The following GLI2 variants were observed in gnomAD, a reference collection of about 807,000 sequenced individuals.
The protein encoded by GLI2 is transcription activator GLI2.
Under a neutral mutation model 78.9 loss-of-function variants are expected in GLI2, and 22 were observed. The observed-to-expected ratio is 0.28, with a 90% CI of 0.20 to 0.40. The LOEUF is 0.40. Among genes scored for constraint, GLI2 ranks in the 10% least tolerant of loss-of-function variants. The pLI is 1.00. For missense variants in GLI2, 2,097 were observed against 2,213.2 expected (o/e 0.95, Z 1.05); for synonymous variants, 974 against 963.7 (o/e 1.01, Z -0.20).
chr2:120,738,596 C>T (rs1453508209), intron 1 of GLI2, among the ~76,000 whole-genome samples: 2 of 152,180 alleles, frequency 1.3e-5, no homozygotes, highest in African/African-American at 4.8e-5. Context: ...GTGAACCAGC[C>T]TTCAGTTGGG....
At chr2:120,782,131 G>A (rs1683867504) in intron 1 of GLI2, among the ~76,000 whole-genome samples, 1 of 152,178 alleles carries the variant, frequency 6.6e-6, no homozygotes, top group Non-Finnish European at 1.5e-5. Flanking sequence ...CGCTACGATA[G>A]CAATTTATTA....
chr2:120,934,309 A>G (rs879826856), intron 3 of GLI2, among the ~76,000 whole-genome samples: 2 of 152,216 alleles, frequency 1.3e-5, no homozygotes, highest in African/African-American at 2.4e-5. Context: ...ACCTATTCAT[A>G]TTCTCAGCTT....
At chr2:120,791,513 A>C (rs1684157048) in intron 1 of GLI2, among the ~76,000 whole-genome samples, 1 of 152,226 alleles carries the variant, frequency 6.6e-6, no homozygotes, top group African/African-American at 2.4e-5. Flanking sequence ...TCCCTTAATC[A>C]GGGTGGCGGT....
chr2:120,815,401 G>A (rs1242776492), intron 2 of GLI2, among the ~76,000 whole-genome samples: 1 of 152,160 alleles, frequency 6.6e-6, no homozygotes, highest in Non-Finnish European at 1.5e-5. Context: ...CAAAAGTTGG[G>A]GGCGGAAGTG....
intron 2 of GLI2, among the ~76,000 whole-genome samples, chr2:120,831,067 GTC>G (rs1225423934): frequency 1.3e-5 from 2 of 149,222 alleles, no homozygotes; most frequent in South Asian, 2.1e-4. Context: ...AGCTCTGCCT[GTC>G]TCTCTCTCTG....
chr2:120,984,634 G>A lies in GLI2; in HGVS notation c.1796G>A (p.Ser599Asn). ...CCGCTGCTCAAAGAGAATGGGGACA[G>A]TGAGGCCGGCACGGAGCCTGGCGGC... is the stretch of plus-strand genomic sequence containing the variant. ...RTPLLKENGD[S>N]EAGTEPGGPE... Residue 599 changes from serine (S) to asparagine (N), a missense_variant, in exon 12 of 14, where the codon AGT becomes AAT. Ser to Asn is a conservative substitution (Grantham distance 46). Around this residue, in one of 5 missense-constraint regions of GLI2, gnomAD observed 57 missense variants for 44.5 expected, o/e 1.28. Transcript: ENST00000361492. 1 of 1,614,202 alleles carries A rather than the reference G, an allele frequency of 6.2e-7. No individual in the cohort carries two copies. The highest frequency in any genetic ancestry group is 8.5e-7 in the Non-Finnish European group (1 of 1,180,040).
chr2:120,885,291 T>C (rs1360644487), intron 2 of GLI2, among the ~76,000 whole-genome samples: 2 of 152,192 alleles, frequency 1.3e-5, no homozygotes, highest in African/African-American at 4.8e-5. Context: ...CACAGGGCCA[T>C]GTTGTCAGAT....
chr2:120,932,049 A>G (rs1381548143), intron 3 of GLI2, among the ~76,000 whole-genome samples: 2 of 152,152 alleles, frequency 1.3e-5, no homozygotes, highest in Non-Finnish European at 2.9e-5. Context: ...TTCCGCCCCC[A>G]GTGTCCCAGG....
At chr2:120,793,643 G>A (rs1684250668) in intron 1 of GLI2, among the ~76,000 whole-genome samples, 1 of 152,190 alleles carries the variant, frequency 6.6e-6, no homozygotes, top group African/African-American at 2.4e-5. Flanking sequence ...GCGAGGCCAC[G>A]GATGCAGTGG....
At position 120,988,122 on chromosome 2, in the gene GLI2, T is replaced by C. The variant is rs1373188143; in HGVS notation, c.2243-86T>C. ...TGTGTTGCAAGCCCTCTTCTCGGGC[T>C]CCAGGCCCAGTGCGATGACTGAGCA... On this transcript the variant is annotated intron_variant, in intron 13 of 13. Transcript: ENST00000361492. The C allele has an allele frequency of 8.3e-6, 10 of 1,204,502 alleles. No homozygotes were observed. In the East Asian group the frequency reaches 2.7e-4, roughly 33 times the overall value. The allele number at this position is 1,204,502 out of a possible 1,614,324, so 74.6% of individuals were successfully genotyped here.
At position 120,988,266 on chromosome 2, in the gene GLI2, G is replaced by T; in HGVS notation, c.2301G>T (p.Pro767=). 3 of 1,569,914 alleles carry T rather than the reference G, an allele frequency of 1.9e-6. No homozygotes were observed. The highest frequency in any genetic ancestry group is 2.6e-6 in the Non-Finnish European group (3 of 1,163,574). The part of the protein sequence containing the change: ...SGGGGPAGLL[P]NPRLSELSAS... ...GCGGCGGGCCCGCGGGGCTGCTGCC[G>T]AACCCGCGGCTGTCGGAGCTGTCCG... The change falls in exon 14 of 14, where the codon CCG becomes CCT. Residue 767 remains proline, a synonymous_variant. Coordinates refer to ENST00000361492, the MANE Select transcript of GLI2 (RefSeq NM_001374353.1).
In GLI2 at chr2:120,927,394, C is replaced by T; in HGVS notation, c.182C>T (p.Pro61Leu). 1 of 1,614,028 alleles carries T rather than the reference C, an allele frequency of 6.2e-7. No individual in the cohort carries two copies. Among genetic ancestry groups the T allele is most frequent in the Non-Finnish European group, 8.5e-7 (1 of 1,179,874 alleles). The change falls in exon 3 of 14, where the codon CCC (proline) becomes CTC (leucine). Residue 61 changes from proline (P) to leucine (L), a missense_variant. Pro to Leu is a moderately conservative substitution (Grantham distance 98). Around this residue, in one of 5 missense-constraint regions of GLI2, gnomAD observed 578 missense variants for 612.0 expected, o/e 0.94. Coordinates refer to ENST00000361492, the MANE Select transcript of GLI2 (RefSeq NM_001374353.1). ...CATCTCTTGCCACCATTCCATGCGCCCCTACCGATTGACATGCGACACCAG... is the reference window on the plus strand; with the variant it reads ...CATCTCTTGCCACCATTCCATGCGCTCCTACCGATTGACATGCGACACCAG... ...PQHLLPPFHA[P>L]LPIDMRHQEG...
intron 1 of GLI2, among the ~76,000 whole-genome samples, chr2:120,787,997 G>T (rs1684045331): frequency 6.6e-6 from 1 of 152,228 alleles, no homozygotes; most frequent in South Asian, 2.1e-4. Flanking sequence ...GCCTTCTGTT[G>T]GTGGGGCAGC....
At chr2:120,864,225 G>A (rs1179800341) in intron 2 of GLI2, among the ~76,000 whole-genome samples, 1 of 152,180 alleles carries the variant, frequency 6.6e-6, no homozygotes, top group African/African-American at 2.4e-5. Context: ...AGGTAGTTCT[G>A]GGAGACACTG....
intron 1 of GLI2, among the ~76,000 whole-genome samples, chr2:120,743,211 C>G (rs2104623404): frequency 6.6e-6 from 1 of 152,282 alleles, no homozygotes; most frequent in East Asian, 1.9e-4. Flanking sequence ...GGAAGGCTTC[C>G]CATTTGAATT....
chr2:120,892,412 G>A (rs1329517014), intron 2 of GLI2, among the ~76,000 whole-genome samples: 1 of 152,194 alleles, frequency 6.6e-6, no homozygotes, highest in African/African-American at 2.4e-5. Flanking sequence ...GGAAAAGTGG[G>A]TGCATAAATC....
intron 2 of GLI2, among the ~76,000 whole-genome samples, chr2:120,842,483 C>T (rs1686935259): frequency 6.6e-6 from 1 of 152,148 alleles, no homozygotes; most frequent in South Asian, 2.1e-4. Flanking sequence ...ACGAGTCTCC[C>T]TCTGATGGAT....
chr2:120,828,932 A>C (rs1686219046), intron 2 of GLI2, among the ~76,000 whole-genome samples: 1 of 146,622 alleles, frequency 6.8e-6, no homozygotes, highest in Non-Finnish European at 1.5e-5. Flanking sequence ...TCCTTGCCCC[A>C]CCACGCTGAA....
At chr2:120,945,990 C>CACACACACACACACACAT (rs1401104253) in intron 3 of GLI2, among the ~76,000 whole-genome samples, 5 of 151,692 alleles carry the variant, frequency 3.3e-5, no homozygotes, top group Non-Finnish European at 7.4e-5. Flanking sequence ...CACACACACA[C>CACACACACACACACACAT]AGCTTTGTGC....
Sources: gnomAD v4.1 joint callset for allele counts (sites outside exome capture counted in the v4.1 genomes callset) on GRCh38, gnomAD v4.1.1 for gene constraint, gnomAD v4.1.1 regional missense constraint, MANE v1.5 for transcripts, NCBI Gene and HGNC (gene_info 2026-07-23, HGNC 2026-07-21) for gene names.